The following SPATA13 variants were observed in gnomAD, a reference collection of about 807,000 sequenced individuals.
SPATA13 encodes spermatogenesis associated 13.
SPATA13 carries 50 observed loss-of-function variants against 104.0 expected under a neutral mutation model. The ratio of observed to expected loss-of-function variants is 0.48; its 90% confidence interval spans 0.38 to 0.61. SPATA13 has a LOEUF of 0.61. Ranked by LOEUF, SPATA13 falls within the 20% of genes least tolerant of loss-of-function variation. The pLI, the probability that SPATA13 is intolerant of heterozygous loss-of-function variation, is 0.00. For synonymous variants in SPATA13, 606 were observed against 667.5 expected (o/e 0.91, Z 1.42); for missense variants, 1,524 against 1,690.6 (o/e 0.90, Z 1.73).
intron 3 of SPATA13, among the ~76,000 whole-genome samples, chr13:24,151,584 A>G (rs1882100558): frequency 6.6e-6 from 1 of 152,208 alleles, no homozygotes. Flanking sequence ...TCAAATTATG[A>G]ATAGATGTCC....
intron 2 of SPATA13, among the ~76,000 whole-genome samples, chr13:23,999,649 TGG>T (rs1287412545): frequency 7.2e-5 from 11 of 152,146 alleles, no homozygotes; most frequent in Admixed American, 7.2e-4. Context: ...AGGCAATAAC[TGG>T]GGAAGCCAAA....
chr13:24,027,384 C>T (rs1024927250), intron 3 of SPATA13, among the ~76,000 whole-genome samples: 1 of 152,054 alleles, frequency 6.6e-6, no homozygotes, highest in Non-Finnish European at 1.5e-5. Flanking sequence ...CCACCCGCCT[C>T]GGCCTCCCAA....
intron 1 of SPATA13, among the ~76,000 whole-genome samples, chr13:24,207,662 A>G (rs1050215397): frequency 2.6e-5 from 4 of 152,194 alleles, no homozygotes; most frequent in Non-Finnish European, 5.9e-5. Context: ...TTATCAAGAC[A>G]AATCTTAGGA....
At chr13:24,103,719 A>G (rs1880342448) in intron 3 of SPATA13, among the ~76,000 whole-genome samples, 3 of 152,112 alleles carry the variant, frequency 2.0e-5, no homozygotes. Flanking sequence ...AGAAGGTGCT[A>G]TTTTCCAGTG....
At chr13:24,199,144 C>T (rs1870258580) in intron 1 of SPATA13, among the ~76,000 whole-genome samples, 3 of 152,210 alleles carry the variant, frequency 2.0e-5, no homozygotes, top group Admixed American at 1.3e-4. Flanking sequence ...CCGTCTTGGC[C>T]TTCCAAAGTT....
intron 3 of SPATA13, among the ~76,000 whole-genome samples, chr13:24,127,152 G>C (rs1368150908): frequency 2.6e-5 from 4 of 152,166 alleles, no homozygotes; most frequent in African/African-American, 7.2e-5. Context: ...GGGATGACTA[G>C]AGGACTGTTT....
chr13:24,173,072 G>A (rs1198763410), intron 1 of SPATA13, among the ~76,000 whole-genome samples: 5 of 152,028 alleles, frequency 3.3e-5, no homozygotes. Flanking sequence ...TTACAAAGTG[G>A]TATTATGTAA....
intron 2 of SPATA13, among the ~76,000 whole-genome samples, chr13:24,236,809 C>T (rs554465983): frequency 5.9e-5 from 9 of 152,122 alleles, no homozygotes; most frequent in Middle Eastern, 3.4e-3. Flanking sequence ...AATGATGGTA[C>T]GGCTGCTGTG....
intron 3 of SPATA13, chr13:24,122,586 G>A: frequency 6.5e-7 from 1 of 1,527,142 alleles, no homozygotes; most frequent in Non-Finnish European, 9.1e-7. Flanking sequence ...CAATTTTGTT[G>A]CATGACACTC....
intron 3 of SPATA13, among the ~76,000 whole-genome samples, chr13:24,094,868 T>C (rs746560837): frequency 2.6e-4 from 40 of 152,216 alleles, no homozygotes; most frequent in Non-Finnish European, 5.0e-4. Flanking sequence ...CTTACCACCT[T>C]ATACCCATTA....
intron 1 of SPATA13, among the ~76,000 whole-genome samples, chr13:24,204,872 C>T (rs569854203): frequency 1.2e-4 from 18 of 152,242 alleles, no homozygotes; most frequent in African/African-American, 4.1e-4. Flanking sequence ...TGGGTTGTTT[C>T]TGCCTGTTGG....
At chr13:24,258,612 C>T (rs573403695) in intron 4 of SPATA13, among the ~76,000 whole-genome samples, 45 of 151,280 alleles carry the variant, frequency 3.0e-4, no homozygotes, top group Non-Finnish European at 6.2e-4. Context: ...GAGGTTGCAG[C>T]GGGCCAAGAT....
chr13:24,022,934 CTTCT>C (rs931194393), intron 3 of SPATA13, among the ~76,000 whole-genome samples: 15 of 142,478 alleles, frequency 1.1e-4, no homozygotes, highest in Non-Finnish European at 1.8e-4. Flanking sequence ...ACACTTGAAT[CTTCT>C]TTTTTTTTAT....
chr13:24,170,033 G>A (rs1882904513), intron 1 of SPATA13, among the ~76,000 whole-genome samples: 1 of 152,180 alleles, frequency 6.6e-6, no homozygotes, highest in African/African-American at 2.4e-5. Flanking sequence ...TTCCAAACCA[G>A]ATAGCTTTAG....
chr13:24,060,717 T>C (rs1215559294), intron 3 of SPATA13, among the ~76,000 whole-genome samples: 1 of 152,134 alleles, frequency 6.6e-6, no homozygotes, highest in East Asian at 1.9e-4. Flanking sequence ...ATCCAGCATC[T>C]GTAAGGAACT....
At chr13:24,124,065 T>C (rs141951800) in intron 3 of SPATA13, among the ~76,000 whole-genome samples, 6 of 152,116 alleles carry the variant, frequency 3.9e-5, no homozygotes, top group Non-Finnish European at 7.4e-5. Flanking sequence ...CAGAAAGCAA[T>C]GGGATTTGTC....
At chr13:24,140,219 G>A (rs1220503601) in intron 3 of SPATA13, among the ~76,000 whole-genome samples, 1 of 152,174 alleles carries the variant, frequency 6.6e-6, no homozygotes, top group East Asian at 1.9e-4. Context: ...ATAAATGCAA[G>A]CCTAGTCGTT....
chr13:24,271,543 A>G (rs1211752010), intron 4 of SPATA13, among the ~76,000 whole-genome samples: 5 of 152,124 alleles, frequency 3.3e-5, no homozygotes, highest in Admixed American at 2.6e-4. Context: ...TTCTGTGAGT[A>G]TTGGACTATT....
At chr13:24,034,950 A>G (rs964104240) in intron 3 of SPATA13, 2 of 152,182 alleles carry the variant, frequency 1.3e-5, no homozygotes, top group East Asian at 3.9e-4. Context: ...TCCACCTCTC[A>G]ATGGAGAGAG....
Sources: gnomAD v4.1 joint callset for allele counts (sites outside exome capture counted in the v4.1 genomes callset) on GRCh38, gnomAD v4.1.1 for gene constraint, MANE v1.5 for transcripts, NCBI Gene and HGNC (gene_info 2026-07-23, HGNC 2026-07-21) for gene names.